KCNQ3: variants seen among roughly 807,000 people sequenced by gnomAD.
The protein encoded by KCNQ3 is potassium voltage-gated channel subfamily KQT member 3.
In KCNQ3, 30 loss-of-function variants were observed where a neutral mutation model predicts 92.5. The ratio of observed to expected loss-of-function variants is 0.32; its 90% CI spans 0.24 to 0.44. KCNQ3 has a LOEUF of 0.44. Among genes scored for constraint, KCNQ3 ranks in the 20% least tolerant of loss-of-function variants. The pLI is 1.00. For missense variants in KCNQ3, 913 were observed against 1,140.3 expected, an observed-to-expected ratio of 0.80 and a Z score of 2.87; for synonymous variants, 450 against 468.8, an observed-to-expected ratio of 0.96 and a Z score of 0.52.
intron 1 of KCNQ3, among the ~76,000 whole-genome samples, chr8:132,408,732 G>A (rs1820566223): frequency 6.6e-6 from 1 of 152,190 alleles, no homozygotes; most frequent in South Asian, 2.1e-4. Flanking sequence ...TCAAAACGTT[G>A]GGGAGCATGT....
chr8:132,156,551 C>G (rs1825800933), intron 9 of KCNQ3, among the ~76,000 whole-genome samples: 2 of 152,132 alleles, frequency 1.3e-5, no homozygotes, highest in Non-Finnish European at 2.9e-5. Context: ...AGTTGTTTCA[C>G]CTTGCTAATC....
chr8:132,479,681 C>A (rs1284658950), intron 1 of KCNQ3, among the ~76,000 whole-genome samples: 1 of 149,212 alleles, frequency 6.7e-6, no homozygotes, highest in Non-Finnish European at 1.5e-5. Context: ...GTGGTGCGCA[C>A]CCCTCCCATC....
Position 132,129,167 on chromosome 8 carries a change from C to T in KCNQ3, c.*95G>A. ...CGCACACGCATGCATTTGATGCAGC[C>T]ATTGGTGTCCCCGCTGGTAAGCGTC... On this transcript the variant is annotated 3_prime_UTR_variant, in exon 15 of 15. Coordinates refer to ENST00000388996, the MANE Select transcript of KCNQ3 (RefSeq NM_004519.4). This position sits in a 1 kb window ranked among gnomAD's most constrained non-coding sequence, Gnocchi z 5.9. 2 of 1,458,804 alleles carry T rather than the reference C, an allele frequency of 1.4e-6. No homozygotes were observed. Among genetic ancestry groups the T allele is most frequent in the South Asian group, 2.4e-5 (2 of 82,216 alleles). 90.4% of individuals were successfully genotyped at this position (1,458,804 alleles called of 1,614,324 possible).
At chr8:132,446,343 T>G (rs190793389) in intron 1 of KCNQ3, among the ~76,000 whole-genome samples, 87 of 152,302 alleles carry the variant, frequency 5.7e-4, no homozygotes, top group African/African-American at 2.0e-3. Context: ...ATGCCACACA[T>G]TAGCTTGACC....
rs1288872924 is a variant in KCNQ3 at position 132,172,708 on chromosome 8, A to G, written c.1045-15T>C. The G allele has an allele frequency of 6.3e-7, 1 of 1,599,730 alleles. No homozygotes were observed. The highest frequency in any genetic ancestry group is 1.1e-5 in the South Asian group (1 of 90,822). On this transcript the variant is annotated splice_polypyrimidine_tract_variant and intron_variant, in intron 6 of 14. Transcript: ENST00000388996. Reference sequence around the variant, plus strand: ...CCCAGGATGCCCTGGAGGGAGAGGCAGGCAGGCAGTCAGCCCCCAGCTAGA... The same window carrying G: ...CCCAGGATGCCCTGGAGGGAGAGGCGGGCAGGCAGTCAGCCCCCAGCTAGA...
chr8:132,304,847 G>T (rs1817366418), intron 1 of KCNQ3, among the ~76,000 whole-genome samples: 1 of 151,926 alleles, frequency 6.6e-6, no homozygotes, highest in African/African-American at 2.4e-5. Flanking sequence ...AAGGCCTAGA[G>T]TCATAATTCT....
At chr8:132,378,599 C>A (rs1455095521) in intron 1 of KCNQ3, among the ~76,000 whole-genome samples, 1 of 152,184 alleles carries the variant, frequency 6.6e-6, no homozygotes, top group Non-Finnish European at 1.5e-5. Flanking sequence ...CCAAACCATT[C>A]TCTTACAGTT....
At chr8:132,472,259 G>A in intron 1 of KCNQ3, among the ~76,000 whole-genome samples, 1 of 152,134 alleles carries the variant, frequency 6.6e-6, no homozygotes, top group Middle Eastern at 3.2e-3. Flanking sequence ...CCACTACTGG[G>A]TATTTGTCCA....
At chr8:132,436,990 G>C (rs1161697387) in intron 1 of KCNQ3, among the ~76,000 whole-genome samples, 2 of 152,288 alleles carry the variant, frequency 1.3e-5, no homozygotes, top group Middle Eastern at 3.4e-3. Flanking sequence ...CTTAAGAGTG[G>C]GGTGGTGGGC....
intron 1 of KCNQ3, among the ~76,000 whole-genome samples, chr8:132,199,486 G>A (rs1563801219): frequency 6.6e-6 from 1 of 152,186 alleles, no homozygotes; most frequent in Non-Finnish European, 1.5e-5. Context: ...TTGGTATGAA[G>A]TATTGGTTCT....
intron 1 of KCNQ3, among the ~76,000 whole-genome samples, chr8:132,235,446 A>G (rs1310671617): frequency 1.3e-5 from 2 of 152,186 alleles, no homozygotes; most frequent in African/African-American, 4.8e-5. Flanking sequence ...GGTTGCAGTG[A>G]GCTGAGATCA....
intron 1 of KCNQ3, among the ~76,000 whole-genome samples, chr8:132,456,250 G>A (rs1821935557): frequency 1.3e-5 from 2 of 152,116 alleles, no homozygotes; most frequent in South Asian, 4.1e-4. Context: ...CAACCAAAGT[G>A]GCCAGGCTTC....
intron 1 of KCNQ3, among the ~76,000 whole-genome samples, chr8:132,257,003 T>G (rs1222136988): frequency 2.0e-5 from 3 of 152,172 alleles, no homozygotes; most frequent in Non-Finnish European, 1.5e-5. Context: ...TGTAGCTTTT[T>G]TTCTATCTGA....
intron 1 of KCNQ3, among the ~76,000 whole-genome samples, chr8:132,415,236 G>A (rs760928175): frequency 6.6e-6 from 1 of 152,208 alleles, no homozygotes; most frequent in Non-Finnish European, 1.5e-5. Context: ...TCCCAGGTCT[G>A]CTCCTCAGCC....
chr8:132,360,801 A>G (rs56027339), intron 1 of KCNQ3, among the ~76,000 whole-genome samples: 3,142 of 152,322 alleles, frequency 0.021, 42 homozygotes, highest in Non-Finnish European at 0.03. Flanking sequence ...TCTTCAGAAT[A>G]TAAGTGTCAC....
intron 1 of KCNQ3, among the ~76,000 whole-genome samples, chr8:132,189,943 A>G (rs1827111844): frequency 1.3e-5 from 2 of 150,434 alleles, no homozygotes; most frequent in Non-Finnish European, 3.0e-5. Flanking sequence ...TGGTCTAGCC[A>G]TATGCTGAAG....
chr8:132,153,335 G>C (rs4736554), intron 9 of KCNQ3, among the ~76,000 whole-genome samples: 83,350 of 151,992 alleles, frequency 0.55, 23,285 homozygotes, highest in African/African-American at 0.64. Context: ...CCTTTTCTCT[G>C]CCTGTATGTG....
chr8:132,442,261 T>C (rs76718305), intron 1 of KCNQ3, among the ~76,000 whole-genome samples: 2,084 of 152,278 alleles, frequency 0.014, 38 homozygotes, highest in African/African-American at 0.048. Flanking sequence ...AACCGGATTC[T>C]TCCTCCATAT....
chr8:132,361,286 T>G (rs554949387), intron 1 of KCNQ3, among the ~76,000 whole-genome samples: 1 of 152,350 alleles, frequency 6.6e-6, no homozygotes, highest in East Asian at 1.9e-4. Context: ...CTGACTCATC[T>G]GATGCTTCTG....
Sources: allele counts gnomAD v4.1 joint callset (sites outside exome capture counted in the v4.1 genomes callset), GRCh38; gene constraint gnomAD v4.1.1; non-coding constraint Gnocchi (gnomAD v3.1); transcripts MANE v1.5; gene names NCBI Gene and HGNC (gene_info 2026-07-23, HGNC 2026-07-21).